The following EFCAB6 variants were observed in gnomAD, a reference collection of about 807,000 sequenced individuals.
The protein encoded by EFCAB6 is EF-hand calcium-binding domain-containing protein 6.
EFCAB6 carries 156 observed loss-of-function variants against 169.8 expected under a neutral mutation model. The observed-to-expected ratio is 0.92, with a 90% confidence interval of 0.81 to 1.05. EFCAB6 has a LOEUF of 1.05. EFCAB6 is among the 50% of genes least tolerant of loss of function. EFCAB6 has a pLI of 0.00. For synonymous variants in EFCAB6, 698 were observed against 676.4 expected (o/e 1.03, Z -0.50); for missense variants, 1,800 against 1,829.1 (o/e 0.98, Z 0.29).
chr22:43,718,044 G>GCATC (rs1182776030), intron 8 of EFCAB6, among the ~76,000 whole-genome samples: 59 of 86,076 alleles, frequency 6.9e-4, no homozygotes, highest in Non-Finnish European at 9.5e-4. Context: ...ATCTTTCTAT[G>GCATC]CATCCATCCA....
chr22:43,669,425 T>C (rs1208452276), intron 15 of EFCAB6, among the ~76,000 whole-genome samples: 6 of 152,158 alleles, frequency 3.9e-5, no homozygotes, highest in Non-Finnish European at 7.4e-5. Flanking sequence ...ACAAAATGAA[T>C]GAATCACAAA....
Position 43,608,557 on chromosome 22 carries a change from C to T in EFCAB6, c.2606G>A (p.Arg869His), listed in dbSNP as rs766820070. 7.1e-5 allele frequency: 114 copies of T among 1,614,014 alleles called. No individual in the cohort carries two copies. In the Admixed American group the frequency reaches 1.5e-3, roughly 21 times the overall value. Residue 869 changes from arginine (R) to histidine (H), a missense_variant, in exon 22 of 32, where the codon CGC becomes CAC. Coordinates refer to ENST00000262726, the MANE Select transcript of EFCAB6 (RefSeq NM_022785.4). ...GTACAGTGCGTTCTTTATGTCCCGG[C>T]GTCGAAGAATGCCATTGCCCTCATT... ...TDNEGNGILR[R>H]RDIKNALYGF...
chr22:43,687,635 A>G (rs757862563), intron 10 of EFCAB6, 54 bp from the exon 11 acceptor site: 21 of 1,076,880 alleles, frequency 2.0e-5, no homozygotes, highest in East Asian at 1.9e-4. Flanking sequence ...TTTCTATAAC[A>G]CTGCATGGAT....
At position 43,728,451 on chromosome 22, in the gene EFCAB6, G is replaced by A. The variant is rs983419289; in HGVS notation, c.757+3248C>T. 5.9e-5 allele frequency among the ~76,000 whole-genome samples: 9 copies of A among 152,162 alleles called. No homozygotes were observed. In the East Asian group the frequency reaches 1.5e-3, roughly 26 times the overall value. ...CATTAATGGGATTGCTGGGTCAAAT[G>A]GTATTTCTGGTTTTAGATCCTTGAG... is the stretch of plus-strand genomic sequence containing the variant. On this transcript the variant is annotated intron_variant, in intron 8 of 31. Coordinates refer to ENST00000262726, the MANE Select transcript of EFCAB6 (RefSeq NM_022785.4).
At chr22:43,600,353 T>C (rs2052408477) in intron 22 of EFCAB6, 90 bp from the exon 23 acceptor site, 1 of 1,322,934 alleles carries the variant, frequency 7.6e-7, no homozygotes, top group Non-Finnish European at 1.1e-6. Flanking sequence ...GCACCATCCA[T>C]GAGGAGCTCG....
chr22:43,537,151 C>T lies in EFCAB6; in HGVS notation c.4048+226G>A. 8.2e-6 allele frequency: 4 copies of T among 490,518 alleles called. No individual in the cohort carries two copies. Among genetic ancestry groups the T allele is most frequent in the Non-Finnish European group, 1.4e-5 (4 of 277,326 alleles). The allele number at this position is 490,518 out of a possible 1,614,324, so 30.4% of individuals were successfully genotyped here. ...AAGCTCAGAGTTAGTGCAGCGCTGACTTTACCATGCAGATGGGCCCCCTGC... is the reference window on the plus strand; with the variant it reads ...AAGCTCAGAGTTAGTGCAGCGCTGATTTTACCATGCAGATGGGCCCCCTGC... On this transcript the variant is annotated intron_variant, in intron 29 of 31. Coordinates refer to ENST00000262726, the MANE Select transcript of EFCAB6 (RefSeq NM_022785.4). This position sits in a 1 kb window ranked among gnomAD's most constrained non-coding sequence, Gnocchi z 4.3.
At chr22:43,595,424 G>C (rs989830471) in intron 23 of EFCAB6, among the ~76,000 whole-genome samples, 1 of 151,984 alleles carries the variant, frequency 6.6e-6, no homozygotes, top group South Asian at 2.1e-4. Context: ...AGATAAAAAA[G>C]GAAGTATTAC....
Position 43,716,955 on chromosome 22 carries a change from G to A in EFCAB6, c.775C>T (p.Gln259Ter). 2 of 1,561,990 alleles carry A rather than the reference G, an allele frequency of 1.3e-6. No homozygotes were observed. Among genetic ancestry groups the A allele is most frequent in the Non-Finnish European group, 1.7e-6 (2 of 1,155,744 alleles). Residue 259 changes from glutamine (Q) to a stop codon, truncating the protein, a stop_gained, in exon 9 of 32, where the codon CAA (glutamine) becomes TAA (stop). Transcript: ENST00000262726. LOFTEE classifies it high-confidence loss of function. ...TCCTTTTTGGAATTTTTGGCTTGTT[G>A]ATTCTCCAACGAGACCTCTGTTGAA... ...MGNQEVSLEN[Q>*]QAKNSKKERL...
chr22:43,561,436 C>T (rs1392721234), intron 26 of EFCAB6, among the ~76,000 whole-genome samples: 2 of 151,802 alleles, frequency 1.3e-5, no homozygotes, highest in Non-Finnish European at 2.9e-5. Context: ...TCACTGAAAA[C>T]CCCGCCCCCC....
At chr22:43,806,480 A>G (rs2062928264) in intron 2 of EFCAB6, among the ~76,000 whole-genome samples, 3 of 152,064 alleles carry the variant, frequency 2.0e-5, no homozygotes, top group African/African-American at 7.2e-5. Context: ...TTCTGGGCTC[A>G]AGTGATTCTC....
chr22:43,726,276 C>CAAAAAAAAAAAAAAAAAAAAAAAACA (rs3994547), intron 8 of EFCAB6, among the ~76,000 whole-genome samples: 1 of 59,356 alleles, frequency 1.7e-5, no homozygotes, highest in Non-Finnish European at 3.0e-5. Context: ...AAAAATTCAC[C>CAAAAAAAAAAAAAAAAAAAAAAAACA]AAAAAAAAAA....
At chr22:43,667,018 T>C in intron 17 of EFCAB6, 86 bp downstream of exon 17, 1 of 1,459,692 alleles carries the variant, frequency 6.9e-7, no homozygotes, top group African/African-American at 1.4e-5. Flanking sequence ...CGTCCTGGGA[T>C]AAGCCATTGT....
chr22:43,678,224 G>A (rs917217644), intron 12 of EFCAB6, 61 bp from the exon 13 acceptor site: 3 of 1,494,320 alleles, frequency 2.0e-6, no homozygotes, highest in Non-Finnish European at 2.7e-6. Flanking sequence ...AAGAAAAAGT[G>A]TTATGTATGT....
intron 24 of EFCAB6, among the ~76,000 whole-genome samples, chr22:43,589,260 A>G (rs2051290392): frequency 7.5e-6 from 1 of 133,070 alleles, no homozygotes; most frequent in African/African-American, 3.0e-5. Context: ...CCATCTGGGT[A>G]ACAGAGGGAG....
rs2060818370 is a variant in EFCAB6 at position 43,752,792 on chromosome 22, G to A, written c.507+2974C>T. Reference sequence around the variant, plus strand: ...CACGCCCTCCTGACTTCTTGGGTGAGATAAGAAGCTCCTTATTTTCTAAGA... The same window carrying A: ...CACGCCCTCCTGACTTCTTGGGTGAAATAAGAAGCTCCTTATTTTCTAAGA... On this transcript the variant is annotated intron_variant, in intron 6 of 31. Transcript: ENST00000262726. Among the ~76,000 whole-genome samples, 4 of 152,168 alleles carry A rather than the reference G, an allele frequency of 2.6e-5. No individual in the cohort carries two copies. In the South Asian group the frequency reaches 8.3e-4, roughly 32 times the overall value.
chr22:43,585,673 G>A (rs1432645753), intron 24 of EFCAB6, among the ~76,000 whole-genome samples: 1 of 152,042 alleles, frequency 6.6e-6, no homozygotes, highest in Non-Finnish European at 1.5e-5. Context: ...ACACCAAGCA[G>A]GATAAATCCC....
chr22:43,535,390 T>C (rs1569115890), intron 29 of EFCAB6: 1 of 152,654 alleles, frequency 6.6e-6, no homozygotes, highest in Non-Finnish European at 1.5e-5. Context: ...GATCTAAAAA[T>C]ATATACAACT....
At chr22:43,735,304 TCCTGCCGCACACCCC>T in intron 7 of EFCAB6, among the ~76,000 whole-genome samples, 1 of 37,428 alleles carries the variant, frequency 2.7e-5, no homozygotes, top group East Asian at 3.5e-4. Flanking sequence ...TTCGTCACCC[TCCTGCCGCACACCCC>T]ACCCTCCTGC....
At chr22:43,786,513 A>G (rs2062082670) in intron 2 of EFCAB6, among the ~76,000 whole-genome samples, 1 of 152,058 alleles carries the variant, frequency 6.6e-6, no homozygotes, top group East Asian at 1.9e-4. Context: ...CGAGGTCAGG[A>G]GATCAAGACC....
Sources: allele counts gnomAD v4.1 joint callset (sites outside exome capture counted in the v4.1 genomes callset), GRCh38; gene constraint gnomAD v4.1.1; non-coding constraint Gnocchi (gnomAD v3.1); transcripts MANE v1.5; gene names NCBI Gene and HGNC (gene_info 2026-07-23, HGNC 2026-07-21).